The following XPO4 variants were observed in gnomAD, a reference collection of about 807,000 sequenced individuals.
The protein encoded by XPO4 is exportin 4, also known as exportin-4.
A neutral mutation model predicts 143.0 loss-of-function variants in XPO4; 39 were observed. The ratio of observed to expected loss-of-function variants is 0.27; its 90% CI spans 0.21 to 0.36. The LOEUF is 0.36. Among genes scored for constraint, XPO4 ranks in the 10% least tolerant of loss-of-function variants. XPO4 has a pLI of 1.00. For synonymous variants in XPO4, 439 were observed against 474.0 expected (o/e 0.93, Z 0.96); for missense variants, 907 against 1,348.0 (o/e 0.67, Z 5.12).
At position 20,843,407 on chromosome 13, in the gene XPO4, G is replaced by A. The variant is rs1429251541; in HGVS notation, c.574-359C>T. ...ACAATACATACAAGACAAAGAGCCC[G>A]CACCATCTGCAATAACATTTGAAAT... is the stretch of plus-strand genomic sequence containing the variant. On this transcript the variant is annotated intron_variant, in intron 5 of 22. Coordinates refer to ENST00000255305, the MANE Select transcript of XPO4 (RefSeq NM_022459.5). Among the ~76,000 whole-genome samples the A allele has an allele frequency of 2.6e-5, 4 of 152,094 alleles. No homozygotes were observed. In the South Asian group the frequency reaches 6.2e-4, roughly 24 times the overall value.
At chr13:20,851,965 CA>C in intron 4 of XPO4, 2 of 985,262 alleles carry the variant, frequency 2.0e-6, no homozygotes, top group Non-Finnish European at 2.4e-6. Flanking sequence ...TGTGCTGGGT[CA>C]AATTACCCAA....
At chr13:20,838,373 G>GCTGA (rs1276547446) in intron 6 of XPO4, among the ~76,000 whole-genome samples, 1 of 151,694 alleles carries the variant, frequency 6.6e-6, no homozygotes, top group Non-Finnish European at 1.5e-5. Context: ...ACTTTGGGAG[G>GCTGA]CTGAGATGGG....
At chr13:20,792,723 CAAAAAAA>C (rs748612077) in intron 18 of XPO4, among the ~76,000 whole-genome samples, 6 of 98,086 alleles carry the variant, frequency 6.1e-5, no homozygotes, top group African/African-American at 1.6e-4. Flanking sequence ...CTCTGTCTCA[CAAAAAAA>C]AAAAAAAAAA....
rs774766068 is a variant in XPO4, at chr13:20,868,588, A to C, written c.175+8T>G. 3 of 1,610,810 alleles carry C rather than the reference A, an allele frequency of 1.9e-6. No homozygotes were observed. Among genetic ancestry groups the C allele is most frequent in the Non-Finnish European group, 2.5e-6 (3 of 1,178,814 alleles). On this transcript the variant is annotated splice_region_variant and intron_variant, in intron 2 of 22. Coordinates refer to ENST00000255305, the MANE Select transcript of XPO4 (RefSeq NM_022459.5). ...AAAATATTTTATATTTTTTAAGTGA[A>C]TACTTACCCAAAATATGCTTGCAAA...
chr13:20,841,303 T>C (rs1452558874), intron 6 of XPO4, among the ~76,000 whole-genome samples: 1 of 151,998 alleles, frequency 6.6e-6, no homozygotes, highest in East Asian at 1.9e-4. Flanking sequence ...GTTGTGGTGG[T>C]CCCCACATCT....
chr13:20,884,237 G>A (rs1400074020), intron 1 of XPO4, among the ~76,000 whole-genome samples: 1 of 152,082 alleles, frequency 6.6e-6, no homozygotes, highest in East Asian at 1.9e-4. Flanking sequence ...ATAAATAGCT[G>A]GGCATGATGG....
At chr13:20,802,198 C>T (rs1217672978) in intron 13 of XPO4, among the ~76,000 whole-genome samples, 1 of 152,062 alleles carries the variant, frequency 6.6e-6, no homozygotes, top group Non-Finnish European at 1.5e-5. Flanking sequence ...GCTGGGACTA[C>T]AGGCACACAC....
chr13:20,804,792 TA>T (rs1019266062), intron 13 of XPO4, among the ~76,000 whole-genome samples: 1 of 152,196 alleles, frequency 6.6e-6, no homozygotes, highest in Non-Finnish European at 1.5e-5. Context: ...TTGTATGTCA[TA>T]AATCCAAAGT....
rs2059111641 is a variant in XPO4, at chr13:20,779,051, A to G, written c.*4671T>C. 6.6e-6 allele frequency: 1 copy of G among 152,186 alleles called. No homozygotes were observed. The highest frequency in any genetic ancestry group is 1.5e-5 in the Non-Finnish European group (1 of 68,038). 9.4% of individuals were successfully genotyped at this position (152,186 alleles called of 1,614,324 possible). A position where few individuals can be genotyped will look rare whatever the true frequency, so the allele number is the denominator to read the frequency against. The stretch of plus-strand genomic sequence containing the variant: ...AAACTAAATGCAATTTTATACCTTC[A>G]TTAGTTATGTTAATAGAGGTAAATA... On this transcript the variant is annotated 3_prime_UTR_variant, in exon 23 of 23. Coordinates refer to ENST00000255305, the MANE Select transcript of XPO4 (RefSeq NM_022459.5).
At chr13:20,801,672 A>C (rs2059434585) in intron 13 of XPO4, among the ~76,000 whole-genome samples, 1 of 152,244 alleles carries the variant, frequency 6.6e-6, no homozygotes, top group Non-Finnish European at 1.5e-5. Flanking sequence ...GCACATAATC[A>C]GAAGTGATAT....
intron 13 of XPO4, among the ~76,000 whole-genome samples, chr13:20,804,852 A>ATGAT: frequency 6.6e-6 from 1 of 152,238 alleles, no homozygotes; most frequent in East Asian, 1.9e-4. Flanking sequence ...CCTCCACTAT[A>ATGAT]GGTCTGAGCC....
At chr13:20,785,783 A>C (rs994077098) in intron 22 of XPO4, among the ~76,000 whole-genome samples, 1 of 147,052 alleles carries the variant, frequency 6.8e-6, no homozygotes, top group African/African-American at 2.5e-5. Flanking sequence ...AAAGAGAGGG[A>C]GAGAGAGAAA....
chr13:20,849,260 A>T, intron 4 of XPO4: 3 of 985,442 alleles, frequency 3.0e-6, no homozygotes, highest in Non-Finnish European at 3.6e-6. Context: ...AACATCAATG[A>T]GACTTATGAT....
intron 7 of XPO4, among the ~76,000 whole-genome samples, chr13:20,824,042 T>C (rs953335434): frequency 3.9e-5 from 6 of 152,224 alleles, no homozygotes; most frequent in African/African-American, 9.6e-5. Context: ...TGTACTACAA[T>C]GGCAGTGTTG....
At position 20,822,119 on chromosome 13, in the gene XPO4, C is replaced by CA. The variant is rs1283629068; in HGVS notation, c.998+12dup. 6.3e-7 allele frequency: 1 copy of CA among 1,597,522 alleles called. No homozygotes were observed. Among genetic ancestry groups the CA allele is most frequent in the Non-Finnish European group, 8.5e-7 (1 of 1,172,548 alleles). ...GAGCTCCTTTTTCAGCTGCAAAGGG[C>CA]AAGTATACCTACCCATTGATAGTAT... is the stretch of plus-strand genomic sequence containing the variant. On this transcript the variant is annotated intron_variant, in intron 8 of 22. Coordinates refer to ENST00000255305, the MANE Select transcript of XPO4 (RefSeq NM_022459.5).
intron 6 of XPO4, 141 bp from the exon 7 acceptor site, chr13:20,827,320 T>C: frequency 1.6e-6 from 1 of 611,014 alleles, no homozygotes; most frequent in Admixed American, 2.5e-5. Context: ...ACATAATTCA[T>C]CCATGAAGCT....
At chr13:20,860,605 C>G (rs1231140746) in intron 3 of XPO4, among the ~76,000 whole-genome samples, 1 of 152,200 alleles carries the variant, frequency 6.6e-6, no homozygotes, top group Non-Finnish European at 1.5e-5. Context: ...CTGTACTTAC[C>G]TTTCTTTATG....
At position 20,781,627 on chromosome 13, in the gene XPO4, T is replaced by G. The variant is rs1273397648; in HGVS notation, c.*2095A>C. On this transcript the variant is annotated 3_prime_UTR_variant, in exon 23 of 23. Transcript: ENST00000255305. ...CTGGATAAAAGTTATTAAATATAGATGCCTTTTTACTTACCAAGGCATTCC... is the reference window on the plus strand; with the variant it reads ...CTGGATAAAAGTTATTAAATATAGAGGCCTTTTTACTTACCAAGGCATTCC... The G allele has an allele frequency of 2.0e-5, 3 of 152,446 alleles. No individual in the cohort carries two copies. The highest frequency in any genetic ancestry group is 2.0e-4 in the Admixed American group (3 of 15,284). The allele number at this position is 152,446 out of a possible 1,614,324, so 9.4% of individuals were successfully genotyped here.
chr13:20,828,970 A>G (rs1224468261), intron 6 of XPO4, among the ~76,000 whole-genome samples: 1 of 152,280 alleles, frequency 6.6e-6, no homozygotes, highest in Non-Finnish European at 1.5e-5. Flanking sequence ...AGATGAAACA[A>G]GACTGGCTGT....
Sources: gnomAD v4.1 joint callset for allele counts (sites outside exome capture counted in the v4.1 genomes callset) on GRCh38, gnomAD v4.1.1 for gene constraint, MANE v1.5 for transcripts, NCBI Gene and HGNC (gene_info 2026-07-23, HGNC 2026-07-21) for gene names.